EXT1: variants seen among roughly 807,000 people sequenced by gnomAD.
EXT1 encodes the protein exostosin glycosyltransferase 1, also known as exostosin-1.
In EXT1, 20 loss-of-function variants were observed where a neutral mutation model predicts 82.5. The ratio of observed to expected loss-of-function variants is 0.24; its 90% CI spans 0.17 to 0.35. The LOEUF (loss-of-function observed/expected upper bound fraction) is 0.35, where lower values mean the gene tolerates loss of function less well. EXT1 is among the 10% of genes least tolerant of loss of function. The pLI, the probability that EXT1 is intolerant of heterozygous loss-of-function variation, is 1.00. For synonymous variants in EXT1, 348 were observed against 350.8 expected (o/e 0.99, Z 0.09); for missense variants, 757 against 936.5 (o/e 0.81, Z 2.50).
intron 1 of EXT1, among the ~76,000 whole-genome samples, chr8:117,996,688 T>C (rs1231512585): frequency 6.6e-6 from 1 of 152,198 alleles, no homozygotes; most frequent in African/African-American, 2.4e-5. Context: ...TAATCTTTCA[T>C]ATTAGAATTG....
chr8:118,030,314 T>C (rs1816286137), intron 1 of EXT1, among the ~76,000 whole-genome samples: 1 of 149,400 alleles, frequency 6.7e-6, no homozygotes, highest in Non-Finnish European at 1.5e-5. Flanking sequence ...AGAAGAGCAA[T>C]GGGAAAAGAA....
intron 1 of EXT1, among the ~76,000 whole-genome samples, chr8:117,964,070 G>A (rs1280121158): frequency 6.6e-6 from 1 of 152,158 alleles, no homozygotes; most frequent in East Asian, 1.9e-4. Context: ...ACTGTGCATT[G>A]CCAAAGAAAC....
At chr8:117,932,595 A>G (rs1017340500) in intron 1 of EXT1, among the ~76,000 whole-genome samples, 5 of 152,106 alleles carry the variant, frequency 3.3e-5, no homozygotes, top group African/African-American at 1.2e-4. Flanking sequence ...ACTGTCCCAC[A>G]CTCACTTCCC....
At chr8:117,980,702 T>G (rs373858084) in intron 1 of EXT1, among the ~76,000 whole-genome samples, 10,531 of 44,356 alleles carry the variant, frequency 0.24, 841 homozygotes, top group Admixed American at 0.35. Flanking sequence ...TTGGTGGTTT[T>G]TTTTTTTTTT....
chr8:118,021,683 G>T (rs1275837151), intron 1 of EXT1, among the ~76,000 whole-genome samples: 1 of 152,112 alleles, frequency 6.6e-6, no homozygotes, highest in African/African-American at 2.4e-5. Flanking sequence ...TAGGGATATT[G>T]TCTGAATGTT....
chr8:118,067,013 T>G (rs1817001184), intron 1 of EXT1, among the ~76,000 whole-genome samples: 1 of 152,240 alleles, frequency 6.6e-6, no homozygotes, highest in South Asian at 2.1e-4. Flanking sequence ...AGCTGCCGTC[T>G]GTAAGTCTCT....
chr8:118,048,789 T>C (rs1816670522), intron 1 of EXT1, among the ~76,000 whole-genome samples: 1 of 152,230 alleles, frequency 6.6e-6, no homozygotes, highest in Non-Finnish European at 1.5e-5. Flanking sequence ...GTTCACTGAT[T>C]ATCACAAACA....
intron 1 of EXT1, among the ~76,000 whole-genome samples, chr8:117,880,484 TTTG>T (rs1224900652): frequency 3.3e-5 from 5 of 152,220 alleles, no homozygotes; most frequent in Non-Finnish European, 7.3e-5. Context: ...TAAAGATGAT[TTTG>T]TTTTCTTATG....
intron 1 of EXT1, among the ~76,000 whole-genome samples, chr8:117,864,251 T>C (rs1193514086): frequency 6.6e-6 from 1 of 152,216 alleles, no homozygotes; most frequent in Non-Finnish European, 1.5e-5. Flanking sequence ...TTTACACACT[T>C]TTCTTTCTCC....
chr8:117,975,170 G>T (rs1342942601), intron 1 of EXT1, among the ~76,000 whole-genome samples: 1 of 152,182 alleles, frequency 6.6e-6, no homozygotes, highest in African/African-American at 2.4e-5. Context: ...ACCTTCTGAA[G>T]ACAGATTGTA....
chr8:118,026,573 C>T (rs74449938), intron 1 of EXT1, among the ~76,000 whole-genome samples: 2,391 of 151,766 alleles, frequency 0.016, 44 homozygotes, highest in Middle Eastern at 0.15. Context: ...GTATGACCTA[C>T]GCTAAGCCTC....
rs1563582098 is a variant in EXT1, at chr8:117,858,795, CAA to C, written c.963-21596_963-21595del. ...CAGGCAGGCAGGCAGGCAGGCAAGG[CAA>C]GGCAAGGCAAGGCAGGAAGGAAGGA... On this transcript the variant is annotated intron_variant, in intron 1 of 10. Transcript: ENST00000378204. Among the ~76,000 whole-genome samples the C allele has an allele frequency of 3.2e-4, 22 of 69,444 alleles. 4 individuals carry two copies. Among genetic ancestry groups the C allele is most frequent in the African/African-American group, 1.6e-3 (21 of 12,944 alleles). The allele number at this position is 69,444 out of a possible 152,430, so 45.6% of individuals were successfully genotyped here.
At chr8:117,898,675 A>T (rs138065920) in intron 1 of EXT1, among the ~76,000 whole-genome samples, 2 of 152,324 alleles carry the variant, frequency 1.3e-5, no homozygotes, top group African/African-American at 4.8e-5. Flanking sequence ...AAAGCACGTG[A>T]CTGGCCTTGC....
rs35409811 is a variant in EXT1 at position 117,970,304 on chromosome 8, A to ATT, written c.963-133105_963-133104dup. On this transcript the variant is annotated intron_variant, in intron 1 of 10. Transcript: ENST00000378204. ...TTTGAGGCAGGGCTCAGGAATCTAC[A>ATT]TTTTTTTTTTTTTTTTTGACACGGA... 5.3e-3 allele frequency among the ~76,000 whole-genome samples: 719 copies of ATT among 136,576 alleles called. 7 individuals carry two copies. Among genetic ancestry groups the ATT allele is most frequent in the African/African-American group, 0.018 (679 of 37,098 alleles). The allele number at this position is 136,576 out of a possible 152,430, so 89.6% of individuals were successfully genotyped here. A position where few individuals can be genotyped will look rare whatever the true frequency, so the allele number is the denominator to read the frequency against.
chr8:118,036,077 T>C (rs1816413649), intron 1 of EXT1, among the ~76,000 whole-genome samples: 2 of 152,016 alleles, frequency 1.3e-5, no homozygotes, highest in South Asian at 4.2e-4. Flanking sequence ...TCAGTCTTTT[T>C]TTTTTTTTTT....
At chr8:118,032,371 A>AG (rs898978067) in intron 1 of EXT1, among the ~76,000 whole-genome samples, 10 of 151,830 alleles carry the variant, frequency 6.6e-5, no homozygotes, top group Non-Finnish European at 1.3e-4. Context: ...GGGGATTCCG[A>AG]GGCATTTGAG....
chr8:117,821,674 G>T (rs143815802), intron 5 of EXT1, among the ~76,000 whole-genome samples: 1 of 152,152 alleles, frequency 6.6e-6, no homozygotes, highest in Non-Finnish European at 1.5e-5. Flanking sequence ...AGGGTGTTAC[G>T]GAGAACAACG....
intron 1 of EXT1, among the ~76,000 whole-genome samples, chr8:117,904,822 A>G (rs1813513607): frequency 6.6e-6 from 1 of 151,588 alleles, no homozygotes; most frequent in African/African-American, 2.4e-5. Flanking sequence ...AGAGAGAGAG[A>G]AAGAAGGACA....
intron 1 of EXT1, among the ~76,000 whole-genome samples, chr8:118,028,751 C>T (rs957825276): frequency 2.6e-5 from 4 of 151,618 alleles, no homozygotes; most frequent in Non-Finnish European, 5.9e-5. Context: ...CCAACAACCC[C>T]GTCTCTACTA....
Sources: allele counts gnomAD v4.1 joint callset (sites outside exome capture counted in the v4.1 genomes callset), GRCh38; gene constraint gnomAD v4.1.1; transcripts MANE v1.5; gene names NCBI Gene and HGNC (gene_info 2026-07-23, HGNC 2026-07-21).